Variants in AIF1L observed in about 807,000 individuals in gnomAD.
The protein encoded by AIF1L is allograft inflammatory factor 1-like.
In AIF1L, 12 loss-of-function variants were observed where a neutral mutation model predicts 20.7. The ratio of observed to expected loss-of-function variants is 0.58; its 90% CI spans 0.37 to 0.94. AIF1L has a LOEUF of 0.94. Among genes scored for constraint, AIF1L ranks in the 40% least tolerant of loss-of-function variants. The pLI is 0.01. For missense variants in AIF1L, 173 were observed against 185.3 expected (o/e 0.93, Z 0.39); for synonymous variants, 76 against 65.1 (o/e 1.17, Z -0.81).
chr9:131,098,939 G>A (rs999404517), intron 2 of AIF1L, among the ~76,000 whole-genome samples: 6 of 152,168 alleles, frequency 3.9e-5, no homozygotes, highest in Non-Finnish European at 5.9e-5. Flanking sequence ...CTGGGGCCCT[G>A]TAGGAAGGAG....
At chr9:131,099,917 G>C (rs1037948130) in intron 2 of AIF1L, among the ~76,000 whole-genome samples, 2 of 152,042 alleles carry the variant, frequency 1.3e-5, no homozygotes, top group Non-Finnish European at 2.9e-5. Flanking sequence ...AGTAGAGACA[G>C]GGTTTCACCG....
chr9:131,098,454 G>A (rs914249977), intron 2 of AIF1L, among the ~76,000 whole-genome samples: 3 of 152,134 alleles, frequency 2.0e-5, no homozygotes, highest in African/African-American at 4.8e-5. Context: ...CTGGAACCCC[G>A]ACCTCATATA....
chr9:131,117,851 A>G lies in AIF1L; in HGVS notation c.298A>G (p.Ser100Gly), dbSNP rs1831048774. 1 of 1,614,036 alleles carries G rather than the reference A, an allele frequency of 6.2e-7. No homozygotes were observed. Among genetic ancestry groups the G allele is most frequent in the South Asian group, 1.1e-5 (1 of 91,086 alleles). Residue 100 changes from serine (S) to glycine (G), a missense_variant, in exon 5 of 6, where the codon AGT (serine) becomes GGT (glycine). Coordinates refer to ENST00000247291, the MANE Select transcript of AIF1L (RefSeq NM_031426.4). The part of the protein sequence containing the change: ...KMISEVTGGV[S>G]DTISYRDFVN... ...GATCTCAGAGGTGACAGGAGGGGTC[A>G]GTGACACTATATCCTACCGAGACTT...
At chr9:131,111,487 T>TG (rs1830882146) in intron 2 of AIF1L, 110 bp from the exon 3 acceptor site, 6 of 944,012 alleles carry the variant, frequency 6.4e-6, no homozygotes, top group Non-Finnish European at 9.9e-6. Context: ...AAACTGGGTC[T>TG]GGTCGCACCT....
intron 5 of AIF1L, 108 bp from the exon 6 acceptor site, chr9:131,120,127 C>T (rs971233737): frequency 2.0e-6 from 2 of 1,023,618 alleles, no homozygotes; most frequent in Non-Finnish European, 2.9e-6. Flanking sequence ...GATTTAAATT[C>T]TGTTGAGGAC....
In AIF1L at chr9:131,120,874, C is replaced by G; in HGVS notation, c.*552C>G. On this transcript the variant is annotated 3_prime_UTR_variant, in exon 6 of 6. Coordinates refer to ENST00000247291, the MANE Select transcript of AIF1L (RefSeq NM_031426.4). ...CAGCTGATCCCCACTCATTCCACAC[C>G]TCTTCTCATCCTCAGTGATGTGAAG... 1 of 481,616 alleles carries G rather than the reference C, an allele frequency of 2.1e-6. No homozygotes were observed. The highest frequency in any genetic ancestry group is 5.4e-4 in the Middle Eastern group (1 of 1,852). The allele number at this position is 481,616 out of a possible 1,614,324, so 29.8% of individuals were successfully genotyped here. A position where few individuals can be genotyped will look rare whatever the true frequency, so the allele number is the denominator to read the frequency against.
intron 4 of AIF1L, 80 bp downstream of exon 4, chr9:131,114,698 G>C: frequency 6.5e-7 from 1 of 1,548,684 alleles, no homozygotes; most frequent in African/African-American, 1.4e-5. Flanking sequence ...TGCGGGTGAG[G>C]GGCATGGGGC....
chr9:131,114,619 G>A lies in AIF1L; in HGVS notation c.202+1G>A. On this transcript the variant is annotated splice_donor_variant, in intron 4 of 5. Transcript: ENST00000247291. LOFTEE classifies it high-confidence loss of function. ...GACCTGAACAATGAAGGCGAGATTG[G>A]TGAGTGAAGCCTTGAGTGTGTTTAG... The A allele has an allele frequency of 6.2e-7, 1 of 1,614,136 alleles. No homozygotes were observed. The highest frequency in any genetic ancestry group is 8.5e-7 in the Non-Finnish European group (1 of 1,179,962).
chr9:131,115,745 G>A (rs963120741), intron 4 of AIF1L, among the ~76,000 whole-genome samples: 16 of 151,644 alleles, frequency 1.1e-4, no homozygotes, highest in African/African-American at 3.4e-4. Flanking sequence ...AGGCCAAGGC[G>A]GGCGGATCAC....
At position 131,121,018 on chromosome 9, in the gene AIF1L, T is replaced by C; in HGVS notation, c.*696T>C. The C allele has an allele frequency of 1.5e-6, 1 of 678,536 alleles. No homozygotes were observed. The highest frequency in any genetic ancestry group is 2.7e-5 in the East Asian group (1 of 36,492). The allele number at this position is 678,536 out of a possible 1,614,324, so 42.0% of individuals were successfully genotyped here. On this transcript the variant is annotated 3_prime_UTR_variant, in exon 6 of 6. Transcript: ENST00000247291. ...GCTGAGAGGCAGCGTGCAGCCCTAC[T>C]GTCCCTTACTGGGGCAGCAGAGGGC...
At chr9:131,104,436 G>A (rs983560902) in intron 2 of AIF1L, among the ~76,000 whole-genome samples, 1 of 152,228 alleles carries the variant, frequency 6.6e-6, no homozygotes, top group Admixed American at 6.5e-5. Context: ...GTAACTCCCA[G>A]TATTGACTTT....
In AIF1L at chr9:131,120,369, C is replaced by A. The variant is rs188544060; in HGVS notation, c.*47C>A. ...GCCTTCCCACCCCATACCTCCCTCC[C>A]GATCTTGCTGCCCTTCTTGACACAC... On this transcript the variant is annotated 3_prime_UTR_variant, in exon 6 of 6. Transcript: ENST00000247291. The A allele has an allele frequency of 2.1e-6, 3 of 1,460,368 alleles. No individual in the cohort carries two copies. Among genetic ancestry groups the A allele is most frequent in the South Asian group, 1.2e-5 (1 of 81,978 alleles). The allele number at this position is 1,460,368 out of a possible 1,614,324, so 90.5% of individuals were successfully genotyped here.
intron 2 of AIF1L, chr9:131,102,737 T>C (rs953178800): frequency 1.5e-4 from 55 of 363,032 alleles, no homozygotes; most frequent in Non-Finnish European, 2.7e-5. Context: ...TACAGGCTTC[T>C]GCTACTCACC....
At position 131,096,637 on chromosome 9, in the gene AIF1L, G is replaced by T; in HGVS notation, c.8G>T (p.Gly3Val). The T allele has an allele frequency of 6.7e-7, 1 of 1,484,836 alleles. No individual in the cohort carries two copies. Among genetic ancestry groups the T allele is most frequent in the Non-Finnish European group, 8.9e-7 (1 of 1,125,708 alleles). 92.0% of individuals were successfully genotyped at this position (1,484,836 alleles called of 1,614,324 possible). Residue 3 changes from glycine (G) to valine (V), a missense_variant, in exon 1 of 6, where the codon GGC becomes GTC. Gly to Val is a moderately radical substitution (Grantham distance 109). Coordinates refer to ENST00000247291, the MANE Select transcript of AIF1L (RefSeq NM_031426.4). ...GGGAGCCCCGCGCTCGCCATGTCGG[G>T]CGAGCTCAGCAACAGGTTCCAAGGT... MS[G>V]ELSNRFQGGK...
At chr9:131,102,996 C>A (rs756781107) in intron 2 of AIF1L, 5 of 456,222 alleles carry the variant, frequency 1.1e-5, no homozygotes, top group Non-Finnish European at 2.2e-5. Flanking sequence ...GAGGTACCAG[C>A]CCAGAAAGAG....
At chr9:131,102,762 CT>C in intron 2 of AIF1L, 1 of 378,832 alleles carries the variant, frequency 2.6e-6, no homozygotes, top group South Asian at 1.9e-5. Context: ...GCCAGCACCA[CT>C]TGTGGCCTGG....
intron 2 of AIF1L, chr9:131,106,378 C>T: frequency 1.3e-6 from 1 of 784,856 alleles, no homozygotes; most frequent in Non-Finnish European, 2.1e-6. Flanking sequence ...GTGTAGTAAC[C>T]TCAGTAAGCA....
rs544811187 is a variant in AIF1L, at chr9:131,122,476, T to G, written c.*2154T>G. The G allele has an allele frequency of 6.6e-6, 1 of 151,004 alleles. No individual in the cohort carries two copies. The highest frequency in any genetic ancestry group is 2.1e-4 in the South Asian group (1 of 4,760). 9.4% of individuals were successfully genotyped at this position (151,004 alleles called of 1,614,324 possible). The stretch of plus-strand genomic sequence containing the variant: ...ACCCCCACCCTGCCCTGTTTTTTGT[T>G]TTTTTTTTCCCCAAGATCATTAGAT... On this transcript the variant is annotated 3_prime_UTR_variant, in exon 6 of 6. Coordinates refer to ENST00000247291, the MANE Select transcript of AIF1L (RefSeq NM_031426.4).
Position 131,096,906 on chromosome 9 carries a change from C to G in AIF1L, c.93+43C>G, listed in dbSNP as rs767869693. The G allele has an allele frequency of 6.0e-6, 9 of 1,496,352 alleles. No homozygotes were observed. In the African/African-American group the frequency reaches 1.2e-4, roughly 19 times the overall value. 92.7% of individuals were successfully genotyped at this position (1,496,352 alleles called of 1,614,324 possible). On this transcript the variant is annotated intron_variant, in intron 2 of 5. Transcript: ENST00000247291. ...GGCAGCACGCGAGTCCCGAGCCGCGCGCTGCGCGGGTGCCACCTCTCCTTC... is the reference window on the plus strand; with the variant it reads ...GGCAGCACGCGAGTCCCGAGCCGCGGGCTGCGCGGGTGCCACCTCTCCTTC...
Sources: gnomAD v4.1 joint callset for allele counts (sites outside exome capture counted in the v4.1 genomes callset) on GRCh38, gnomAD v4.1.1 for gene constraint, MANE v1.5 for transcripts, NCBI Gene and HGNC (gene_info 2026-07-23, HGNC 2026-07-21) for gene names.